DOT1L: variants seen among roughly 807,000 people sequenced by gnomAD.
The protein encoded by DOT1L is histone-lysine N-methyltransferase, H3 lysine-79 specific.
A neutral mutation model predicts 153.3 loss-of-function variants in DOT1L; 33 were observed. The ratio of observed to expected loss-of-function variants is 0.22; its 90% confidence interval spans 0.16 to 0.29. The LOEUF is 0.29. Among genes scored for constraint, DOT1L ranks in the 10% least tolerant of loss-of-function variants. The probability of loss-of-function intolerance (pLI) is 1.00; values close to 1 mark genes in which losing one functional copy is unlikely to be tolerated. For missense variants in DOT1L, 1,847 were observed against 2,119.9 expected (o/e 0.87, Z 2.53); for synonymous variants, 1,135 against 965.1 (o/e 1.18, Z -3.26).
chr19:2,227,786 C>A (rs1386548386), intron 27 of DOT1L: 2 of 1,314,632 alleles, frequency 1.5e-6, no homozygotes, highest in African/African-American at 3.0e-5. Flanking sequence ...CGTTTGGAGC[C>A]CGTGTCGGCC....
In DOT1L at chr19:2,231,618, A is replaced by G. The variant is rs2024602008; in HGVS notation, c.*1826A>G. ...CCACCCCACGTTGGTGCTCTCAGCTAGAAGGTGCTGTGCCTCTGCCTGAGC... is the reference window on the plus strand; with the variant it reads ...CCACCCCACGTTGGTGCTCTCAGCTGGAAGGTGCTGTGCCTCTGCCTGAGC... On this transcript the variant is annotated 3_prime_UTR_variant, in exon 28 of 28. Coordinates refer to ENST00000398665, the MANE Select transcript of DOT1L (RefSeq NM_032482.3). 2 of 209,438 alleles carry G rather than the reference A, an allele frequency of 9.5e-6. No individual in the cohort carries two copies. Among genetic ancestry groups the G allele is most frequent in the Admixed American group, 5.9e-5 (1 of 16,848 alleles). The allele number at this position is 209,438 out of a possible 1,614,324, so 13.0% of individuals were successfully genotyped here. A position where few individuals can be genotyped will look rare whatever the true frequency, so the allele number is the denominator to read the frequency against.
At chr19:2,213,801 C>A in intron 17 of DOT1L, 48 bp from the exon 18 acceptor site, 1 of 1,609,790 alleles carries the variant, frequency 6.2e-7, no homozygotes, top group Non-Finnish European at 8.5e-7. Context: ...GGGCTTACTT[C>A]ACCTTGGAGG....
intron 2 of DOT1L, among the ~76,000 whole-genome samples, chr19:2,181,426 A>G (rs1024759945): frequency 6.6e-6 from 1 of 152,168 alleles, no homozygotes; most frequent in Non-Finnish European, 1.5e-5. Context: ...CCAGGCCTGC[A>G]GCTGCCATAA....
At chr19:2,192,394 G>A (rs935089095) in intron 5 of DOT1L, among the ~76,000 whole-genome samples, 8 of 152,214 alleles carry the variant, frequency 5.3e-5, no homozygotes, top group Admixed American at 1.3e-4. Flanking sequence ...TCGTCTGGAC[G>A]TGGTGGCTCA....
rs753165650 is a variant in DOT1L at position 2,226,472 on chromosome 19, C to T, written c.3951C>T (p.Thr1317=). 6.2e-7 allele frequency: 1 copy of T among 1,601,786 alleles called. No individual in the cohort carries two copies. Among genetic ancestry groups the T allele is most frequent in the Non-Finnish European group, 8.5e-7 (1 of 1,179,666 alleles). The change falls in exon 27 of 28, where the codon ACC becomes ACT. Residue 1317 remains threonine, a synonymous_variant. Transcript: ENST00000398665. ...GCACCAACCCTGCCAACGGCTGCAC[C>T]TTCGGCGGGGGCCTGGCCGCGGACC... ...SPGTNPANGC[T]FGGGLAADLS... is the part of the protein sequence containing the mutation.
At position 2,191,253 on chromosome 19, in the gene DOT1L, C is replaced by G. The variant is rs773049220; in HGVS notation, c.493+13C>G. On this transcript the variant is annotated intron_variant, in intron 5 of 27. Coordinates refer to ENST00000398665, the MANE Select transcript of DOT1L (RefSeq NM_032482.3). This position sits in a 1 kb window ranked among gnomAD's most constrained non-coding sequence, Gnocchi z 6.8. ...GACTTGGGGAGCGGTGAGTGTCGCC[C>G]GCCATGCCCGGCTCCTGTGCACTTC... 1 of 1,612,542 alleles carries G rather than the reference C, an allele frequency of 6.2e-7. No homozygotes were observed. Among genetic ancestry groups the G allele is most frequent in the Non-Finnish European group, 8.5e-7 (1 of 1,179,160 alleles).
In DOT1L at chr19:2,199,901, C is replaced by T. The variant is rs1456080388; in HGVS notation, c.669C>T (p.Phe223=). The change falls in exon 8 of 28, where the codon TTC becomes TTT. Residue 223 remains phenylalanine, a synonymous_variant. Transcript: ENST00000398665. ...CCTTTCAGTTGGAGAGAGGCGATTT[C>T]CTCTCAGAAGAGTGGAGGGAGCGAA... is the stretch of plus-strand genomic sequence containing the variant. ...HAEYTLERGD[F]LSEEWRERIA... 5 of 1,613,894 alleles carry T rather than the reference C, an allele frequency of 3.1e-6. No homozygotes were observed. Among genetic ancestry groups the T allele is most frequent in the Admixed American group, 3.3e-5 (2 of 60,000 alleles).
Position 2,231,773 on chromosome 19 carries a change from G to C in DOT1L, c.*1981G>C, listed in dbSNP as rs1041229311. 2 of 214,378 alleles carry C rather than the reference G, an allele frequency of 9.3e-6. No individual in the cohort carries two copies. The highest frequency in any genetic ancestry group is 1.9e-5 in the Non-Finnish European group (2 of 106,256). The allele number at this position is 214,378 out of a possible 1,614,324, so 13.3% of individuals were successfully genotyped here. A position where few individuals can be genotyped will look rare whatever the true frequency, so the allele number is the denominator to read the frequency against. On this transcript the variant is annotated 3_prime_UTR_variant, in exon 28 of 28. Transcript: ENST00000398665. The stretch of plus-strand genomic sequence containing the variant: ...GAACAAGACACATTCTTTAAACACT[G>C]TATTACTTCTGCCTCCCTCTAGGTG...
intron 1 of DOT1L, among the ~76,000 whole-genome samples, chr19:2,178,521 C>T (rs1371546833): frequency 2.0e-5 from 3 of 151,434 alleles, no homozygotes; most frequent in African/African-American, 4.9e-5. Flanking sequence ...GGGTTCACGC[C>T]ATTCTCCTGC....
chr19:2,228,152 C>G, intron 27 of DOT1L: 1 of 1,365,036 alleles, frequency 7.3e-7, no homozygotes, highest in African/African-American at 1.5e-5. Flanking sequence ...CTTTGTCTAT[C>G]AAGCTCACCT....
chr19:2,196,110 C>T (rs1055515769), intron 7 of DOT1L, among the ~76,000 whole-genome samples: 2 of 152,258 alleles, frequency 1.3e-5, no homozygotes, highest in Non-Finnish European at 2.9e-5. Flanking sequence ...CACGAGTGGG[C>T]GTGCGTCCTG....
At chr19:2,227,834 C>T (rs1337517724) in intron 27 of DOT1L, 3 of 1,292,794 alleles carry the variant, frequency 2.3e-6, no homozygotes, top group Admixed American at 2.3e-5. Context: ...TGGGCCCGAG[C>T]CCGCTGCAGG....
Position 2,190,011 on chromosome 19 carries a change from C to G in DOT1L, c.264+216C>G, listed in dbSNP as rs535643516. On this transcript the variant is annotated intron_variant, in intron 4 of 27. Transcript: ENST00000398665. This position sits in a 1 kb window ranked among gnomAD's most constrained non-coding sequence, Gnocchi z 4.8. ...GGCCGTGTGCCAAAGCAGAGCCGTC[C>G]GTGGTTTGTGTGCTGAGGCAGGGCC... Among the ~76,000 whole-genome samples the G allele has an allele frequency of 6.6e-6, 1 of 152,154 alleles. No individual in the cohort carries two copies. The highest frequency in any genetic ancestry group is 1.5e-5 in the Non-Finnish European group (1 of 68,004).
At chr19:2,164,612 C>T (rs1019328885) in intron 1 of DOT1L, 35 of 203,928 alleles carry the variant, frequency 1.7e-4, no homozygotes, top group South Asian at 1.9e-4. Context: ...CGCTCGTTCC[C>T]GGCGCTGTCA....
chr19:2,215,735 CTT>C (rs918668299), intron 19 of DOT1L: 1 of 152,476 alleles, frequency 6.6e-6, no homozygotes. Flanking sequence ...TCGCCGACCT[CTT>C]TACCACAGCC....
At chr19:2,180,446 A>G (rs1377795087) in intron 1 of DOT1L, among the ~76,000 whole-genome samples, 4 of 152,150 alleles carry the variant, frequency 2.6e-5, no homozygotes, top group Admixed American at 6.6e-5. Context: ...ACCGGGGGCC[A>G]TAGACTCCAT....
At chr19:2,183,317 C>T (rs1015571243) in intron 2 of DOT1L, among the ~76,000 whole-genome samples, 52 of 152,136 alleles carry the variant, frequency 3.4e-4, no homozygotes, top group African/African-American at 1.2e-3. Flanking sequence ...ATTACAGGTG[C>T]CTGCAACCAC....
At chr19:2,195,800 A>G (rs2269881) in intron 7 of DOT1L, among the ~76,000 whole-genome samples, 69,234 of 152,062 alleles carry the variant, frequency 0.46, 16,101 homozygotes, top group Middle Eastern at 0.53. Flanking sequence ...GCGACGACCC[A>G]GTTCCTGGGT....
intron 1 of DOT1L, among the ~76,000 whole-genome samples, chr19:2,170,257 C>G (rs2020074684): frequency 6.6e-6 from 1 of 152,194 alleles, no homozygotes; most frequent in Non-Finnish European, 1.5e-5. Context: ...TGTCCGAGAC[C>G]AGGATGCAGG....
Sources: allele counts gnomAD v4.1 joint callset (sites outside exome capture counted in the v4.1 genomes callset), GRCh38; gene constraint gnomAD v4.1.1; non-coding constraint Gnocchi (gnomAD v3.1); transcripts MANE v1.5; gene names NCBI Gene and HGNC (gene_info 2026-07-23, HGNC 2026-07-21).